The following ZNF469 variants were observed in gnomAD, a reference collection of about 807,000 sequenced individuals.
ZNF469 encodes the protein zinc finger protein 469.
Under a neutral mutation model 1.0 loss-of-function variants are expected in ZNF469, and 1 was observed. That is an observed-to-expected ratio of 1.00 (90% CI 0.35 to 4.73). The LOEUF (loss-of-function observed/expected upper bound fraction) is 4.73. Among genes scored for constraint, ZNF469 ranks in the 30% most tolerant of loss-of-function variants. The pLI, the probability that ZNF469 is intolerant of heterozygous loss-of-function variation, is 0.16. For missense variants in ZNF469, 6,100 were observed against 5,356.3 expected (o/e 1.14, Z -4.33); for synonymous variants, 2,703 against 2,363.4 (o/e 1.14, Z -4.17).
chr16:88,361,962 A>T, the ZNF469 span, among the ~76,000 whole-genome samples: 1 of 152,138 alleles, frequency 6.6e-6, no homozygotes, highest in Non-Finnish European at 1.5e-5. Flanking sequence ...ACAAATCGTC[A>T]TGTAAGTGTG....
At chr16:88,337,382 C>T in the ZNF469 span, among the ~76,000 whole-genome samples, 9 of 152,218 alleles carry the variant, frequency 5.9e-5, no homozygotes, top group East Asian at 1.9e-4. Flanking sequence ...CTTGCTCTTC[C>T]GCCATGATAG....
At chr16:88,399,613 C>G (rs1904797282) in intron 1 of ZNF469, among the ~76,000 whole-genome samples, 1 of 152,200 alleles carries the variant, frequency 6.6e-6, no homozygotes, top group Admixed American at 6.5e-5. Flanking sequence ...GTGGTGCCTC[C>G]CAGCTGCTCA....
At chr16:88,385,827 G>A (rs1033752415) in intron 1 of ZNF469, among the ~76,000 whole-genome samples, 5 of 152,012 alleles carry the variant, frequency 3.3e-5, no homozygotes, top group African/African-American at 1.2e-4. Context: ...GAAAAATGGG[G>A]AGCCCTCACA....
the ZNF469 span, among the ~76,000 whole-genome samples, chr16:88,332,399 G>A: frequency 2.0e-5 from 3 of 152,232 alleles, no homozygotes; most frequent in Non-Finnish European, 2.9e-5. Flanking sequence ...TGCCGTCACC[G>A]CGTGCCCTGC....
At chr16:88,279,069 TG>T in the ZNF469 span, among the ~76,000 whole-genome samples, 1 of 138,392 alleles carries the variant, frequency 7.2e-6, no homozygotes, top group Admixed American at 7.1e-5. Flanking sequence ...TATCAGTGCA[TG>T]GTTAGTGCTG....
the ZNF469 span, among the ~76,000 whole-genome samples, chr16:88,204,227 G>A: frequency 3.8e-3 from 572 of 150,984 alleles, 4 homozygotes; most frequent in African/African-American, 0.013. Flanking sequence ...GAGGCGCCCC[G>A]TAACCCCATA....
chr16:88,142,998 C>T, the ZNF469 span, among the ~76,000 whole-genome samples: 1 of 152,188 alleles, frequency 6.6e-6, no homozygotes, highest in Non-Finnish European at 1.5e-5. Flanking sequence ...AGTTTCTCTG[C>T]CTGAAAACTG....
chr16:88,337,303 G>A, the ZNF469 span, among the ~76,000 whole-genome samples: 2 of 152,194 alleles, frequency 1.3e-5, no homozygotes, highest in African/African-American at 4.8e-5. Context: ...AGTCTCATGA[G>A]ATCTGATGGT....
the ZNF469 span, among the ~76,000 whole-genome samples, chr16:88,207,485 G>C: frequency 6.7e-6 from 1 of 150,060 alleles, no homozygotes; most frequent in Non-Finnish European, 1.5e-5. Context: ...TGACCACCTG[G>C]GTGCAGTGGA....
At chr16:88,300,376 C>G in the ZNF469 span, among the ~76,000 whole-genome samples, 1 of 152,158 alleles carries the variant, frequency 6.6e-6, no homozygotes, top group Non-Finnish European at 1.5e-5. Flanking sequence ...ATCATCTTAT[C>G]ATCTTCAGTC....
chr16:88,232,324 C>T, the ZNF469 span, among the ~76,000 whole-genome samples: 3 of 152,166 alleles, frequency 2.0e-5, no homozygotes, highest in Non-Finnish European at 2.9e-5. Context: ...TTAAAAACCT[C>T]CCCCACCCAA....
the ZNF469 span, among the ~76,000 whole-genome samples, chr16:88,208,176 G>C: frequency 5.9e-5 from 9 of 151,868 alleles, no homozygotes; most frequent in East Asian, 1.6e-3. Flanking sequence ...TCCCGGGTTT[G>C]GTCGGTGGGA....
chr16:88,426,485 A>G (rs1236996289), intron 2 of ZNF469, among the ~76,000 whole-genome samples: 1 of 152,384 alleles, frequency 6.6e-6, no homozygotes, highest in East Asian at 1.9e-4. Flanking sequence ...GAGAACAGAC[A>G]TGATGAGTGT....
chr16:88,147,687 C>T, the ZNF469 span, among the ~76,000 whole-genome samples: 1 of 152,098 alleles, frequency 6.6e-6, no homozygotes, highest in African/African-American at 2.4e-5. Context: ...CCCTGGGCAG[C>T]TGCTTGCTCA....
rs1389458505 is a variant in ZNF469, at chr16:88,436,813, T to C, written c.9343T>C (p.Tyr3115His). The C allele has an allele frequency of 1.3e-6, 2 of 1,540,054 alleles. No individual in the cohort carries two copies. The highest frequency in any genetic ancestry group is 1.7e-6 in the Non-Finnish European group (2 of 1,146,046). ...GRPAKGRRAS[Y>H]KCKVCFQRFR... is the part of the protein sequence containing the mutation. Reference sequence around the variant, plus strand: ...GCCGGCCAAGGGCAGGCGGGCCTCCTACAAGTGCAAAGTGTGCTTCCAGCG... The same window carrying C: ...GCCGGCCAAGGGCAGGCGGGCCTCCCACAAGTGCAAAGTGTGCTTCCAGCG... The change falls in exon 3 of 3, where the codon TAC (tyrosine) becomes CAC (histidine). Residue 3115 changes from tyrosine to histidine, a missense_variant. Physicochemically the swap from Tyr to His is moderately conservative, Grantham distance 83. Coordinates refer to ENST00000565624, the MANE Select transcript of ZNF469 (RefSeq NM_001367624.2).
At chr16:88,283,437 G>A in the ZNF469 span, among the ~76,000 whole-genome samples, 1 of 152,210 alleles carries the variant, frequency 6.6e-6, no homozygotes, top group Non-Finnish European at 1.5e-5. Flanking sequence ...AACAGAGAGG[G>A]ATGGAGAAGT....
At chr16:88,212,328 A>G in the ZNF469 span, among the ~76,000 whole-genome samples, 1 of 152,056 alleles carries the variant, frequency 6.6e-6, no homozygotes, top group Non-Finnish European at 1.5e-5. Context: ...TTTCTTTTCC[A>G]TGACTTCACT....
At chr16:88,236,619 C>G in the ZNF469 span, among the ~76,000 whole-genome samples, 2 of 152,350 alleles carry the variant, frequency 1.3e-5, no homozygotes, top group African/African-American at 4.8e-5. Flanking sequence ...GTAATCCCAG[C>G]ACTTTGGGAG....
chr16:88,436,961 A>G lies in ZNF469; in HGVS notation c.9491A>G (p.Gln3164Arg). ...GSRELLRGHL[Q>R]ERHAQSKAGP... is the part of the protein sequence containing the mutation. ...CGGGAGCTGCTGCGGGGGCACCTGCAGGAGAGGCACGCGCAGAGCAAGGCC... is the reference window on the plus strand; with the variant it reads ...CGGGAGCTGCTGCGGGGGCACCTGCGGGAGAGGCACGCGCAGAGCAAGGCC... The change falls in exon 3 of 3, where the codon CAG becomes CGG. Residue 3164 changes from glutamine (Q) to arginine (R), a missense_variant. By Grantham distance (43) the Gln-to-Arg change is conservative (BLOSUM62 1). Transcript: ENST00000565624. The G allele has an allele frequency of 6.7e-7, 1 of 1,499,364 alleles. No homozygotes were observed. The highest frequency in any genetic ancestry group is 2.5e-5 in the East Asian group (1 of 40,366). The allele number at this position is 1,499,364 out of a possible 1,614,324, so 92.9% of individuals were successfully genotyped here. A position where few individuals can be genotyped will look rare whatever the true frequency, so the allele number is the denominator to read the frequency against.
Sources: gnomAD v4.1 joint callset for allele counts (sites outside exome capture counted in the v4.1 genomes callset) on GRCh38, gnomAD v4.1.1 for gene constraint, MANE v1.5 for transcripts, NCBI Gene and HGNC (gene_info 2026-07-23, HGNC 2026-07-21) for gene names.